Variants in NEGR1 observed in about 807,000 individuals in gnomAD.
The protein encoded by NEGR1 is IgLON family member 4.
NEGR1 carries 10 observed loss-of-function variants against 40.9 expected under a neutral mutation model. The ratio of observed to expected loss-of-function variants is 0.24; its 90% confidence interval spans 0.15 to 0.42. The LOEUF is 0.42. NEGR1 is among the 10% of genes least tolerant of loss of function. NEGR1 has a pLI of 1.00. For missense variants in NEGR1, 352 were observed against 438.9 expected (o/e 0.80, Z 1.77); for synonymous variants, 185 against 166.8 (o/e 1.11, Z -0.84).
intron 2 of NEGR1, among the ~76,000 whole-genome samples, chr1:71,813,549 T>C (rs540366384): frequency 3.5e-4 from 53 of 152,298 alleles, no homozygotes; most frequent in African/African-American, 1.3e-3. Flanking sequence ...ATGATATTGA[T>C]TCTTCCTATC....
At chr1:71,559,038 T>C (rs1018441304) in intron 6 of NEGR1, among the ~76,000 whole-genome samples, 1 of 135,480 alleles carries the variant, frequency 7.4e-6, no homozygotes, top group South Asian at 2.4e-4. Flanking sequence ...TATATATATA[T>C]ATATATACAC....
chr1:71,870,758 T>G (rs1257020824), intron 2 of NEGR1, among the ~76,000 whole-genome samples: 2 of 152,212 alleles, frequency 1.3e-5, no homozygotes, highest in East Asian at 3.9e-4. Flanking sequence ...GTAAGTGTCT[T>G]TTTATTCATT....
At chr1:71,949,054 C>T (rs1397546780) in intron 1 of NEGR1, among the ~76,000 whole-genome samples, 1 of 152,194 alleles carries the variant, frequency 6.6e-6, no homozygotes, top group East Asian at 1.9e-4. Flanking sequence ...GGATATTGTA[C>T]TTTGGGTTCA....
chr1:71,886,017 T>C (rs1280493644), intron 2 of NEGR1, among the ~76,000 whole-genome samples: 2 of 152,332 alleles, frequency 1.3e-5, no homozygotes, highest in African/African-American at 4.8e-5. Context: ...GAAGTTTCTA[T>C]ATCAAAAGAC....
intron 1 of NEGR1, among the ~76,000 whole-genome samples, chr1:72,012,714 A>G (rs1428298842): frequency 6.6e-6 from 1 of 151,414 alleles, no homozygotes; most frequent in Non-Finnish European, 1.5e-5. Context: ...TGCGTCCCCA[A>G]TCTGCATATA....
intron 5 of NEGR1, among the ~76,000 whole-genome samples, chr1:71,598,900 T>C (rs1389875560): frequency 6.6e-6 from 1 of 152,204 alleles, no homozygotes; most frequent in Non-Finnish European, 1.5e-5. Flanking sequence ...ATTTGTGTGA[T>C]TTTTTATTAA....
chr1:71,410,789 C>G (rs1376303606), intron 6 of NEGR1, among the ~76,000 whole-genome samples: 1 of 152,092 alleles, frequency 6.6e-6, no homozygotes, highest in Non-Finnish European at 1.5e-5. Context: ...TAATGATACT[C>G]AAGTTAAGGG....
intron 1 of NEGR1, among the ~76,000 whole-genome samples, chr1:72,028,468 T>C (rs1034022494): frequency 1.3e-5 from 2 of 152,218 alleles, no homozygotes; most frequent in Non-Finnish European, 1.5e-5. Flanking sequence ...AATTAATGTA[T>C]GCAATTATTA....
chr1:72,071,622 A>C (rs1647464888), intron 1 of NEGR1, among the ~76,000 whole-genome samples: 1 of 151,976 alleles, frequency 6.6e-6, no homozygotes, highest in Admixed American at 6.6e-5. Flanking sequence ...TTTATCATCC[A>C]CTCAAAAAAG....
At chr1:71,919,742 G>T (rs991161406) in intron 2 of NEGR1, among the ~76,000 whole-genome samples, 1 of 152,106 alleles carries the variant, frequency 6.6e-6, no homozygotes, top group African/African-American at 2.4e-5. Context: ...AGCCAAGAAA[G>T]CCTAGGTTCG....
intron 3 of NEGR1, among the ~76,000 whole-genome samples, chr1:71,724,307 A>G (rs1654605090): frequency 6.6e-6 from 1 of 152,136 alleles, no homozygotes; most frequent in African/African-American, 2.4e-5. Flanking sequence ...TAGGAAGTTC[A>G]TTTAGGGTCT....
At chr1:71,904,056 A>G (rs1661212924) in intron 2 of NEGR1, among the ~76,000 whole-genome samples, 3 of 151,918 alleles carry the variant, frequency 2.0e-5, no homozygotes, top group Admixed American at 1.3e-4. Flanking sequence ...TCTGTTACAT[A>G]TTATATTAAA....
At chr1:72,247,320 T>G (rs1270704203) in intron 1 of NEGR1, among the ~76,000 whole-genome samples, 3 of 152,184 alleles carry the variant, frequency 2.0e-5, no homozygotes, top group African/African-American at 4.8e-5. Context: ...CTGCTAATTT[T>G]CCAAACGTTT....
At chr1:71,534,971 C>T (rs1466761438) in intron 6 of NEGR1, among the ~76,000 whole-genome samples, 1 of 151,340 alleles carries the variant, frequency 6.6e-6, no homozygotes. Context: ...TAGCAATAGT[C>T]TCTTAAAATT....
chr1:71,863,097 C>T (rs1242405739), intron 2 of NEGR1, among the ~76,000 whole-genome samples: 1 of 152,046 alleles, frequency 6.6e-6, no homozygotes, highest in Non-Finnish European at 1.5e-5. Context: ...CTCATGACTG[C>T]ATATATACCC....
intron 1 of NEGR1, among the ~76,000 whole-genome samples, chr1:71,936,315 G>T (rs1645905234): frequency 6.6e-6 from 1 of 152,120 alleles, no homozygotes; most frequent in Non-Finnish European, 1.5e-5. Context: ...CATTTAGCTA[G>T]CAAACATTTA....
intron 2 of NEGR1, among the ~76,000 whole-genome samples, chr1:71,901,762 C>T (rs1661150369): frequency 6.6e-6 from 1 of 151,156 alleles, no homozygotes; most frequent in Non-Finnish European, 1.5e-5. Flanking sequence ...CCTCTGCCTC[C>T]CGGGTTCAAG....
chr1:72,265,937 A>G (rs1655623884), intron 1 of NEGR1, among the ~76,000 whole-genome samples: 1 of 150,792 alleles, frequency 6.6e-6, no homozygotes, highest in Non-Finnish European at 1.5e-5. Context: ...TACAGTATGT[A>G]CTCTAGAATT....
At chr1:72,274,620 T>C in intron 1 of NEGR1, 1 of 805,146 alleles carries the variant, frequency 1.2e-6, no homozygotes, top group Non-Finnish European at 2.3e-6. Context: ...TCTATGGCCT[T>C]GGAGAACTGC....
Sources: allele counts gnomAD v4.1 joint callset (sites outside exome capture counted in the v4.1 genomes callset), GRCh38; gene constraint gnomAD v4.1.1; transcripts MANE v1.5; gene names NCBI Gene and HGNC (gene_info 2026-07-23, HGNC 2026-07-21).